MARF1: variants seen among roughly 807,000 people sequenced by gnomAD.
The protein encoded by MARF1 is limkain-b1.
A neutral mutation model predicts 168.2 loss-of-function variants in MARF1; 24 were observed. The ratio of observed to expected loss-of-function variants is 0.14; its 90% confidence interval spans 0.10 to 0.20. The LOEUF is 0.20. MARF1 is among the 10% of genes least tolerant of loss of function. MARF1 has a pLI of 1.00. For missense variants in MARF1, 1,744 were observed against 2,143.6 expected (o/e 0.81, Z 3.68); for synonymous variants, 868 against 822.4 (o/e 1.06, Z -0.95).
At chr16:15,612,987 T>A (rs775067211) in intron 16 of MARF1, among the ~76,000 whole-genome samples, 4 of 152,218 alleles carry the variant, frequency 2.6e-5, no homozygotes, top group Non-Finnish European at 4.4e-5. Context: ...TCAAATGCTG[T>A]CCCACTAATC....
intron 22 of MARF1, among the ~76,000 whole-genome samples, chr16:15,602,986 A>C (rs1037126185): frequency 2.3e-4 from 35 of 152,256 alleles, no homozygotes; most frequent in African/African-American, 7.7e-4. Context: ...AAACCTTTTC[A>C]AAGTGTTTAA....
At position 15,604,295 on chromosome 16, in the gene MARF1, G is replaced by T. The variant is rs748017051; in HGVS notation, c.4286C>A (p.Thr1429Asn). The T allele has an allele frequency of 3.7e-6, 6 of 1,613,932 alleles. No individual in the cohort carries two copies. The highest frequency in any genetic ancestry group is 1.7e-5 in the Admixed American group (1 of 60,004). ...GAGCTCCTCAACAGAAAGATGGGTG[G>T]TTCCTTCCCAAGACATCAACAATAC... Reference protein sequence around the residue: ...LLVLLMSWEGTTHLSVEELKR... With the variant: ...LLVLLMSWEGNTHLSVEELKR... The change falls in exon 22 of 27, where the codon ACC becomes AAC. Residue 1429 changes from threonine (T) to asparagine (N), a missense_variant. Physicochemically the swap from Thr to Asn is moderately conservative, Grantham distance 65 (BLOSUM62 0). Transcript: ENST00000396368.
intron 12 of MARF1, among the ~76,000 whole-genome samples, chr16:15,620,803 A>C (rs941888732): frequency 6.6e-6 from 1 of 152,180 alleles, no homozygotes; most frequent in Non-Finnish European, 1.5e-5. Flanking sequence ...CAAAAGGGAG[A>C]AGAGCTTAAA....
intron 15 of MARF1, 30 bp downstream of exon 15, chr16:15,617,019 CATT>C: frequency 6.3e-7 from 1 of 1,597,270 alleles, no homozygotes; most frequent in South Asian, 1.1e-5. Flanking sequence ...AGAACTAGGG[CATT>C]ATATCGACAA....
At chr16:15,642,138 G>A (rs534372779) in intron 1 of MARF1, among the ~76,000 whole-genome samples, 2 of 152,108 alleles carry the variant, frequency 1.3e-5, no homozygotes, top group Non-Finnish European at 1.5e-5. Flanking sequence ...GGTAATCCAC[G>A]GGGAACATTT....
intron 3 of MARF1, chr16:15,635,438 T>A (rs957475033): frequency 2.4e-5 from 13 of 552,980 alleles, no homozygotes; most frequent in Non-Finnish European, 3.5e-5. Context: ...TCTAAAAGTA[T>A]AAACTACAAA....
Position 15,602,068 on chromosome 16 carries a change from T to C in MARF1, c.4549A>G (p.Lys1517Glu). The C allele has an allele frequency of 6.2e-7, 1 of 1,614,154 alleles. No homozygotes were observed. The highest frequency in any genetic ancestry group is 8.5e-7 in the Non-Finnish European group (1 of 1,180,002). The change falls in exon 23 of 27, where the codon AAG (lysine) becomes GAG (glutamate). Residue 1517 changes from lysine (K) to glutamate (E), a missense_variant. Around this residue, in one of 7 missense-constraint regions of MARF1, gnomAD observed 313 missense variants for 337.4 expected, o/e 0.93. Coordinates refer to ENST00000396368, the MANE Select transcript of MARF1 (RefSeq NM_014647.4). ...GGCTGCAGAGTTTCTCCGACATACT[T>C]GGTATAGGCCATGGAAAACTCATGA... ...FLHEFSMAYTKYVGETLQPKT... is the reference protein window; with the variant it reads ...FLHEFSMAYTEYVGETLQPKT...
chr16:15,627,021 A>G (rs548554050), intron 7 of MARF1, among the ~76,000 whole-genome samples: 20 of 150,026 alleles, frequency 1.3e-4, no homozygotes, highest in African/African-American at 4.2e-4. Context: ...AAAGAAAGAA[A>G]AGAGAGAGAG....
intron 23 of MARF1, chr16:15,601,757 G>T: frequency 1.7e-6 from 1 of 588,428 alleles, no homozygotes; most frequent in Non-Finnish European, 3.0e-6. Flanking sequence ...CACCTTTCTA[G>T]AGTTACAGCC....
Position 15,598,757 on chromosome 16 carries a change from G to C in MARF1, c.4984+97C>G, listed in dbSNP as rs1288014854. Reference sequence around the variant, plus strand: ...AGTGTTTTCCACCTGAAAAGGGGTAGTCCCTTCCCACCTCCGTCATTTACT... The same window carrying C: ...AGTGTTTTCCACCTGAAAAGGGGTACTCCCTTCCCACCTCCGTCATTTACT... On this transcript the variant is annotated intron_variant, in intron 26 of 26. Transcript: ENST00000396368. 1.2e-5 allele frequency: 15 copies of C among 1,212,940 alleles called. No individual in the cohort carries two copies. In the Admixed American group the frequency reaches 2.4e-4, roughly 19 times the overall value. The allele number at this position is 1,212,940 out of a possible 1,614,324, so 75.1% of individuals were successfully genotyped here.
At chr16:15,616,060 A>T in intron 15 of MARF1, 55 bp from the exon 16 acceptor site, 1 of 1,363,038 alleles carries the variant, frequency 7.3e-7, no homozygotes, top group Non-Finnish European at 9.7e-7. Context: ...ATAACAGAAA[A>T]GGAGGCGCTT....
rs779795545 is a variant in MARF1 at position 15,598,980 on chromosome 16, AGTC to A, written c.4855_4857del (p.Asp1619del). On this transcript the variant is annotated inframe_deletion, in exon 26 of 27. Coordinates refer to ENST00000396368, the MANE Select transcript of MARF1 (RefSeq NM_014647.4). ...GGCGCACACAGGAGGTCGACGGGGG[AGTC>A]GTCGGTCAGGCGGAGAAGCTCCTGC... 1.2e-5 allele frequency: 20 copies of A among 1,611,880 alleles called. No individual in the cohort carries two copies. In the Middle Eastern group the frequency reaches 2.7e-3, roughly 214 times the overall value.
At chr16:15,622,059 G>C (rs552174537) in intron 11 of MARF1, 148 bp from the exon 12 acceptor site, 1 of 708,234 alleles carries the variant, frequency 1.4e-6, no homozygotes, top group African/African-American at 1.8e-5. Context: ...TGCTGACCAG[G>C]ACGTAAGAAA....
chr16:15,624,185 C>T (rs747454659), intron 10 of MARF1, among the ~76,000 whole-genome samples: 3 of 152,166 alleles, frequency 2.0e-5, no homozygotes, highest in Non-Finnish European at 4.4e-5. Context: ...TCCCAAAGTG[C>T]TGGGATTACA....
At chr16:15,602,269 G>C (rs2032515329) in intron 22 of MARF1, 66 bp from the exon 23 acceptor site, 1 of 1,330,466 alleles carries the variant, frequency 7.5e-7, no homozygotes, top group African/African-American at 1.5e-5. Context: ...GAAAGTGAAG[G>C]CCTCCCACTG....
In MARF1 at chr16:15,625,628, T is replaced by C; in HGVS notation, c.1697A>G (p.Lys566Arg). Reference sequence around the variant, plus strand: ...AAAGACATCTTCGTTTTCCATTCGCTTCTGAGCGCGCTCTGCACTATCTTG... The same window carrying C: ...AAAGACATCTTCGTTTTCCATTCGCCTCTGAGCGCGCTCTGCACTATCTTG... ...INQDSAERAQ[K>R]RMENEDVFGN... The change falls in exon 8 of 27, where the codon AAG becomes AGG. Residue 566 changes from lysine to arginine, a missense_variant. Lys to Arg is a conservative substitution (Grantham distance 26, BLOSUM62 2). Around this residue, in one of 7 missense-constraint regions of MARF1, gnomAD observed 217 missense variants for 372.4 expected, o/e 0.58. Transcript: ENST00000396368. The C allele has an allele frequency of 6.2e-7, 1 of 1,614,236 alleles. No homozygotes were observed. Among genetic ancestry groups the C allele is most frequent in the South Asian group, 1.1e-5 (1 of 91,088 alleles).
At chr16:15,605,266 G>T (rs1276688444) in intron 21 of MARF1, among the ~76,000 whole-genome samples, 1 of 152,128 alleles carries the variant, frequency 6.6e-6, no homozygotes, top group Non-Finnish European at 1.5e-5. Context: ...TGGTTTTCCT[G>T]CCAGGGCCAA....
chr16:15,612,426 A>C, intron 17 of MARF1, 131 bp downstream of exon 17: 1 of 773,854 alleles, frequency 1.3e-6, no homozygotes. Context: ...CTGCCCTCTG[A>C]AGAAAGTTTT....
chr16:15,604,603 C>T (rs555286964), intron 21 of MARF1, among the ~76,000 whole-genome samples: 11 of 152,264 alleles, frequency 7.2e-5, no homozygotes, highest in Admixed American at 3.9e-4. Flanking sequence ...CTGTCCTCCC[C>T]CTGCCGGTCC....
Sources: allele counts gnomAD v4.1 joint callset (sites outside exome capture counted in the v4.1 genomes callset), GRCh38; gene constraint gnomAD v4.1.1; regional missense constraint gnomAD v4.1.1; transcripts MANE v1.5; gene names NCBI Gene and HGNC (gene_info 2026-07-23, HGNC 2026-07-21).